Variants in TBC1D5 observed in about 807,000 individuals in gnomAD.
TBC1D5 encodes TBC1 domain family member 5.
In TBC1D5, 75 loss-of-function variants were observed where a neutral mutation model predicts 100.3. The observed-to-expected ratio is 0.75, with a 90% CI of 0.62 to 0.91. The LOEUF (loss-of-function observed/expected upper bound fraction) is 0.91. Among genes scored for constraint, TBC1D5 ranks in the 40% least tolerant of loss-of-function variants. The pLI is 0.00. For missense variants in TBC1D5, 910 were observed against 942.4 expected (o/e 0.97, Z 0.45); for synonymous variants, 323 against 325.6 (o/e 0.99, Z 0.09).
intron 16 of TBC1D5, among the ~76,000 whole-genome samples, chr3:17,240,195 T>C (rs1257814046): frequency 3.9e-5 from 6 of 152,188 alleles, no homozygotes. Flanking sequence ...TCTCTAATGC[T>C]ACTAGCTAAT....
At chr3:17,505,272 G>C (rs530508138) in intron 3 of TBC1D5, among the ~76,000 whole-genome samples, 1 of 152,234 alleles carries the variant, frequency 6.6e-6, no homozygotes, top group African/African-American at 2.4e-5. Context: ...GGTGACAAGT[G>C]AGTTCTCAGT....
At chr3:17,374,592 T>C in intron 11 of TBC1D5, 37 bp downstream of exon 11, 1 of 1,609,466 alleles carries the variant, frequency 6.2e-7, no homozygotes, top group Non-Finnish European at 8.5e-7. Context: ...ATAATGATGG[T>C]ATAAAAAAAT....
At chr3:17,220,931 C>A (rs1374835006) in intron 17 of TBC1D5, among the ~76,000 whole-genome samples, 1 of 152,084 alleles carries the variant, frequency 6.6e-6, no homozygotes, top group Non-Finnish European at 1.5e-5. Flanking sequence ...TGAATTTATT[C>A]ATCTCTTCAA....
chr3:17,516,901 A>T (rs1260271633), intron 2 of TBC1D5, among the ~76,000 whole-genome samples: 2 of 152,076 alleles, frequency 1.3e-5, no homozygotes, highest in East Asian at 3.9e-4. Context: ...TCTTCTTTCT[A>T]TTCCTTAAAA....
At chr3:17,641,821 T>A (rs1203172610) in intron 1 of TBC1D5, among the ~76,000 whole-genome samples, 1 of 152,158 alleles carries the variant, frequency 6.6e-6, no homozygotes, top group African/African-American at 2.4e-5. Context: ...TTTAGAATTG[T>A]AAATTTCAAA....
chr3:17,475,937 C>T (rs535563343), intron 3 of TBC1D5, among the ~76,000 whole-genome samples: 1 of 152,098 alleles, frequency 6.6e-6, no homozygotes, highest in Admixed American at 6.6e-5. Context: ...TTGATTTTTG[C>T]CAATCTAGAG....
intron 15 of TBC1D5, among the ~76,000 whole-genome samples, chr3:17,287,782 T>G (rs1282935657): frequency 6.6e-6 from 1 of 152,216 alleles, no homozygotes; most frequent in Non-Finnish European, 1.5e-5. Flanking sequence ...AAGCTATACT[T>G]GCAGAATGTA....
chr3:17,513,105 G>T (rs987919168), intron 2 of TBC1D5, among the ~76,000 whole-genome samples: 5 of 151,980 alleles, frequency 3.3e-5, no homozygotes, highest in Non-Finnish European at 5.9e-5. Flanking sequence ...AGGCAGAGGC[G>T]GGCAGATCAC....
chr3:17,518,524 A>AGCT (rs2096020254), intron 2 of TBC1D5, among the ~76,000 whole-genome samples: 2 of 152,156 alleles, frequency 1.3e-5, no homozygotes, highest in Admixed American at 1.3e-4. Flanking sequence ...TCTCCTTTCC[A>AGCT]GCTCCCCTTC....
chr3:17,348,957 C>A lies in TBC1D5; in HGVS notation c.995+23118G>T, dbSNP rs75270003. On this transcript the variant is annotated intron_variant, in intron 13 of 21. Coordinates refer to ENST00000253692, the Ensembl canonical transcript of TBC1D5. The stretch of plus-strand genomic sequence containing the variant: ...GGCTGAGTAACATGGAATTTAACTA[C>A]AAATTCTATCATTACCTTGCAAAAC... Among the ~76,000 whole-genome samples the A allele has an allele frequency of 8.8e-3, 1,345 of 152,202 alleles. 25 individuals are homozygous for A. Among genetic ancestry groups the A allele is most frequent in the African/African-American group, 0.031 (1,267 of 41,526 alleles).
At chr3:17,298,871 T>C (rs999038860) in intron 14 of TBC1D5, among the ~76,000 whole-genome samples, 3 of 152,110 alleles carry the variant, frequency 2.0e-5, no homozygotes, top group Admixed American at 6.5e-5. Flanking sequence ...AGGGGATGAA[T>C]AGGCAGAACA....
chr3:17,579,688 T>A (rs1005015264), intron 2 of TBC1D5, among the ~76,000 whole-genome samples: 1 of 152,118 alleles, frequency 6.6e-6, no homozygotes, highest in African/African-American at 2.4e-5. Flanking sequence ...CCTCACATCA[T>A]CCAATTTAAA....
At chr3:17,524,216 T>C (rs1278918883) in intron 2 of TBC1D5, among the ~76,000 whole-genome samples, 1 of 152,094 alleles carries the variant, frequency 6.6e-6, no homozygotes, top group Non-Finnish European at 1.5e-5. Context: ...AAATATCAAC[T>C]AAAACAATTA....
chr3:17,611,468 G>C (rs75295664), intron 2 of TBC1D5, among the ~76,000 whole-genome samples: 5,241 of 152,244 alleles, frequency 0.034, 122 homozygotes, highest in Non-Finnish European at 0.049. Context: ...AACTAATGGA[G>C]AAGACTAAGA....
intron 15 of TBC1D5, among the ~76,000 whole-genome samples, chr3:17,285,248 CTTTTTTTTTTTTTTTTTTTT>C (rs373843978): frequency 9.6e-6 from 1 of 104,680 alleles, no homozygotes; most frequent in Non-Finnish European, 1.9e-5. Flanking sequence ...ATTTTAGATT[CTTTTTTTTTTTTTTTTTTTT>C]TTTTTTTTTT....
chr3:17,348,473 A>C (rs1040075252), intron 13 of TBC1D5, among the ~76,000 whole-genome samples: 1 of 151,876 alleles, frequency 6.6e-6, no homozygotes, highest in Admixed American at 6.6e-5. Flanking sequence ...TGGTCCTCGC[A>C]CTACACTCTG....
At chr3:17,244,139 C>A (rs1367743215) in intron 16 of TBC1D5, among the ~76,000 whole-genome samples, 2 of 152,082 alleles carry the variant, frequency 1.3e-5, no homozygotes, top group Non-Finnish European at 2.9e-5. Flanking sequence ...ATAAAACAGG[C>A]TTCATTTACA....
At chr3:17,512,610 T>C (rs2095925262) in intron 2 of TBC1D5, among the ~76,000 whole-genome samples, 1 of 152,212 alleles carries the variant, frequency 6.6e-6, no homozygotes, top group Non-Finnish European at 1.5e-5. Context: ...TGAAGAATTA[T>C]TTTAAATAAA....
At chr3:17,203,704 T>C (rs79265999) in intron 18 of TBC1D5, among the ~76,000 whole-genome samples, 5,230 of 152,210 alleles carry the variant, frequency 0.034, 295 homozygotes, top group African/African-American at 0.12. Flanking sequence ...CCCTTCAATC[T>C]CTCTTTCTCC....
Sources: allele counts gnomAD v4.1 joint callset (sites outside exome capture counted in the v4.1 genomes callset), GRCh38; gene constraint gnomAD v4.1.1; transcripts MANE v1.5; gene names NCBI Gene and HGNC (gene_info 2026-07-23, HGNC 2026-07-21).